CGNL1: variants seen among roughly 807,000 people sequenced by gnomAD.
CGNL1 encodes the protein cingulin-like protein 1.
A neutral mutation model predicts 141.2 loss-of-function variants in CGNL1; 132 were observed. The ratio of observed to expected loss-of-function variants is 0.93; its 90% CI spans 0.81 to 1.08. The LOEUF (loss-of-function observed/expected upper bound fraction) is 1.08. Ranked by LOEUF, CGNL1 falls within the 50% of genes least tolerant of loss-of-function variation. The pLI, the probability that CGNL1 is intolerant of heterozygous loss-of-function variation, is 0.00. For synonymous variants in CGNL1, 690 were observed against 622.1 expected (o/e 1.11, Z -1.63); for missense variants, 1,870 against 1,588.6 (o/e 1.18, Z -3.01).
Position 57,505,012 on chromosome 15 carries a change from G to A in CGNL1, c.2404-11768G>A, listed in dbSNP as rs186443205. On this transcript the variant is annotated intron_variant, in intron 8 of 18. Transcript: ENST00000281282. ...TTACTCCATCCCTCCCACTCTGTCTGTCCCAGCTCTTTTGAGGGAGGGGGT... is the reference window on the plus strand; with the variant it reads ...TTACTCCATCCCTCCCACTCTGTCTATCCCAGCTCTTTTGAGGGAGGGGGT... Among the ~76,000 whole-genome samples, 157 of 152,250 alleles carry A rather than the reference G, an allele frequency of 1.0e-3. No homozygotes were observed. The Middle Eastern group carries it at 0.031, about 30-fold the overall frequency.
chr15:57,483,905 T>A (rs1453454605), intron 8 of CGNL1, among the ~76,000 whole-genome samples: 2 of 152,214 alleles, frequency 1.3e-5, no homozygotes. Flanking sequence ...CTCCTGATTT[T>A]AAACTATCAA....
Position 57,478,965 on chromosome 15 carries a change from C to A in CGNL1, c.2403+17073C>A, listed in dbSNP as rs144451348. The stretch of plus-strand genomic sequence containing the variant: ...AGATTCTTACCTTATTAGGGAGTAT[C>A]TAAATTAATCTGTTTATTGATCTCT... On this transcript the variant is annotated intron_variant, in intron 8 of 18. Transcript: ENST00000281282. Among the ~76,000 whole-genome samples, 851 of 152,220 alleles carry A rather than the reference C, an allele frequency of 5.6e-3. 8 individuals carry two copies. Among genetic ancestry groups the A allele is most frequent in the Middle Eastern group, 0.01 (3 of 294 alleles).
chr15:57,429,584 C>G (rs868346787), intron 1 of CGNL1, among the ~76,000 whole-genome samples: 3 of 152,286 alleles, frequency 2.0e-5, no homozygotes, highest in South Asian at 2.1e-4. Flanking sequence ...TTTATTCACC[C>G]AACAAATATT....
At chr15:57,529,272 A>C (rs1260032281) in intron 13 of CGNL1, among the ~76,000 whole-genome samples, 1 of 152,134 alleles carries the variant, frequency 6.6e-6, no homozygotes, top group Admixed American at 6.5e-5. Flanking sequence ...ATTTTCCCTT[A>C]GAGGTTATTG....
chr15:57,434,297 G>A (rs1193262886), intron 1 of CGNL1, among the ~76,000 whole-genome samples: 1 of 152,090 alleles, frequency 6.6e-6, no homozygotes, highest in African/African-American at 2.4e-5. Context: ...TGTTGAAGTT[G>A]TATCTCTGAA....
At chr15:57,520,431 A>G (rs544590646) in intron 10 of CGNL1, among the ~76,000 whole-genome samples, 1 of 152,340 alleles carries the variant, frequency 6.6e-6, no homozygotes, top group Non-Finnish European at 1.5e-5. Context: ...TATGATAAAT[A>G]GATTTCTTTA....
At chr15:57,543,650 A>G in intron 14 of CGNL1, 46 bp from the exon 15 acceptor site, 5 of 1,506,564 alleles carry the variant, frequency 3.3e-6, no homozygotes, top group Non-Finnish European at 4.6e-6. Flanking sequence ...CAAAAGATAC[A>G]GGAACAGTCC....
At chr15:57,464,951 C>T (rs556692125) in intron 8 of CGNL1, among the ~76,000 whole-genome samples, 43 of 152,048 alleles carry the variant, frequency 2.8e-4, no homozygotes, top group Non-Finnish European at 1.8e-4. Context: ...GGGCTTTCGT[C>T]GTGTTGACCA....
At chr15:57,498,085 A>G (rs566156406) in intron 8 of CGNL1, among the ~76,000 whole-genome samples, 2 of 152,140 alleles carry the variant, frequency 1.3e-5, no homozygotes, top group Admixed American at 6.5e-5. Flanking sequence ...TGTGGCACCA[A>G]GCACTCTGCA....
chr15:57,474,585 CA>C (rs2063627458), intron 8 of CGNL1, among the ~76,000 whole-genome samples: 1 of 152,178 alleles, frequency 6.6e-6, no homozygotes, highest in Non-Finnish European at 1.5e-5. Flanking sequence ...AGTTTAAGGA[CA>C]GGTCAGGGTT....
intron 7 of CGNL1, among the ~76,000 whole-genome samples, chr15:57,455,072 TTAAGA>T (rs762385860): frequency 7.9e-5 from 12 of 152,184 alleles, no homozygotes; most frequent in Admixed American, 2.6e-4. Flanking sequence ...CTTTTAAAAG[TTAAGA>T]TATCAAAAAT....
At chr15:57,440,505 T>G in intron 3 of CGNL1, 34 bp downstream of exon 3, 5 of 1,460,542 alleles carry the variant, frequency 3.4e-6, no homozygotes, top group Non-Finnish European at 4.7e-6. Flanking sequence ...AGCAAAGTAT[T>G]GTTGTTTCTG....
intron 16 of CGNL1, among the ~76,000 whole-genome samples, chr15:57,544,811 C>G (rs1223998277): frequency 6.6e-6 from 1 of 152,198 alleles, no homozygotes; most frequent in Non-Finnish European, 1.5e-5. Context: ...TGGCTGGATA[C>G]TGGTGTAGCT....
intron 14 of CGNL1, among the ~76,000 whole-genome samples, chr15:57,542,443 T>C (rs189149077): frequency 7.4e-4 from 112 of 152,340 alleles, no homozygotes; most frequent in African/African-American, 2.4e-3. Context: ...TAACTCATTT[T>C]ACTCTTGCAC....
intron 1 of CGNL1, among the ~76,000 whole-genome samples, chr15:57,417,773 G>C (rs907468): frequency 1.1e-3 from 172 of 152,254 alleles, no homozygotes; most frequent in African/African-American, 4.0e-3. Flanking sequence ...GTTACAGATG[G>C]ATGATGGAGA....
At chr15:57,481,063 G>GTTTTTTT (rs1567144577) in intron 8 of CGNL1, among the ~76,000 whole-genome samples, 81 of 105,070 alleles carry the variant, frequency 7.7e-4, no homozygotes, top group Non-Finnish European at 1.4e-3. Flanking sequence ...AAAGACCTGG[G>GTTTTTTT]GTTTTTTTTT....
intron 8 of CGNL1, among the ~76,000 whole-genome samples, chr15:57,475,527 GTGTGTGTGT>G (rs2063643600): frequency 9.0e-6 from 1 of 111,714 alleles, no homozygotes; most frequent in Non-Finnish European, 1.9e-5. Flanking sequence ...GTGTGTGTGT[GTGTGTGTGT>G]TTTCTTTTCT....
chr15:57,406,380 G>T (rs1276592940), intron 1 of CGNL1, among the ~76,000 whole-genome samples: 1 of 152,114 alleles, frequency 6.6e-6, no homozygotes, highest in Non-Finnish European at 1.5e-5. Flanking sequence ...GGGAGTGAGG[G>T]TGGGGGTTCT....
intron 1 of CGNL1, among the ~76,000 whole-genome samples, chr15:57,428,889 G>A (rs1005390687): frequency 1.3e-5 from 2 of 152,000 alleles, no homozygotes; most frequent in Non-Finnish European, 2.9e-5. Context: ...TGGGTGTGGC[G>A]ACATGTGCCT....
Sources: gnomAD v4.1 joint callset for allele counts (sites outside exome capture counted in the v4.1 genomes callset) on GRCh38, gnomAD v4.1.1 for gene constraint, MANE v1.5 for transcripts, NCBI Gene and HGNC (gene_info 2026-07-23, HGNC 2026-07-21) for gene names.